Variants in CTNNA3 observed in about 807,000 individuals in gnomAD.
CTNNA3 encodes the protein catenin alpha 3.
In CTNNA3, 76 loss-of-function variants were observed where a neutral mutation model predicts 95.7. The observed-to-expected ratio is 0.79, with a 90% CI of 0.66 to 0.96. The LOEUF is 0.96. Among genes scored for constraint, CTNNA3 ranks in the 40% least tolerant of loss-of-function variants. The pLI is 0.00. For synonymous variants in CTNNA3, 431 were observed against 374.4 expected (o/e 1.15, Z -1.74); for missense variants, 1,191 against 1,089.8 (o/e 1.09, Z -1.31).
intron 15 of CTNNA3, among the ~76,000 whole-genome samples, chr10:66,032,983 T>G (rs1823249845): frequency 6.6e-6 from 1 of 152,134 alleles, no homozygotes; most frequent in African/African-American, 2.4e-5. Context: ...CATTGTACTT[T>G]CCACAACACT....
At chr10:66,062,115 TAATC>T (rs528643365) in intron 15 of CTNNA3, among the ~76,000 whole-genome samples, 10 of 152,158 alleles carry the variant, frequency 6.6e-5, no homozygotes, top group African/African-American at 1.2e-4. Flanking sequence ...GAGGGTATAA[TAATC>T]AATCAAACTG....
intron 7 of CTNNA3, among the ~76,000 whole-genome samples, chr10:66,998,157 C>T (rs759375398): frequency 2.9e-4 from 44 of 152,200 alleles, no homozygotes; most frequent in East Asian, 9.6e-4. Flanking sequence ...CCTAACACGG[C>T]ATTTTAGCAC....
chr10:66,313,947 T>A (rs906181545), intron 12 of CTNNA3, among the ~76,000 whole-genome samples: 1 of 152,210 alleles, frequency 6.6e-6, no homozygotes, highest in African/African-American at 2.4e-5. Flanking sequence ...CTCAGATTTC[T>A]TTGCTCTATT....
intron 9 of CTNNA3, among the ~76,000 whole-genome samples, chr10:66,641,554 T>G (rs1425558505): frequency 6.6e-6 from 1 of 152,200 alleles, no homozygotes; most frequent in African/African-American, 2.4e-5. Flanking sequence ...TGTGTTATCT[T>G]TGTTATTTGA....
chr10:67,327,207 T>A (rs1210558763), intron 5 of CTNNA3, among the ~76,000 whole-genome samples: 1 of 152,214 alleles, frequency 6.6e-6, no homozygotes, highest in African/African-American at 2.4e-5. Context: ...CTATCCATAT[T>A]CTGAATTCTA....
At chr10:66,935,682 G>C (rs1847656485) in intron 7 of CTNNA3, among the ~76,000 whole-genome samples, 1 of 151,856 alleles carries the variant, frequency 6.6e-6, no homozygotes, top group African/African-American at 2.4e-5. Context: ...ATAATGTGAA[G>C]ATATTTTGGT....
intron 12 of CTNNA3, among the ~76,000 whole-genome samples, chr10:66,334,470 T>C (rs1224314607): frequency 1.3e-5 from 2 of 151,848 alleles, no homozygotes; most frequent in Non-Finnish European, 2.9e-5. Context: ...TGTAAAGTAT[T>C]TTATTTCTCC....
At chr10:66,257,844 T>C (rs575655900) in intron 13 of CTNNA3, among the ~76,000 whole-genome samples, 2 of 152,230 alleles carry the variant, frequency 1.3e-5, no homozygotes, top group Non-Finnish European at 2.9e-5. Flanking sequence ...GCTGTTATTC[T>C]GATTCATCCT....
chr10:67,027,809 G>C (rs1853485064), intron 7 of CTNNA3, among the ~76,000 whole-genome samples: 1 of 152,046 alleles, frequency 6.6e-6, no homozygotes, highest in South Asian at 2.1e-4. Context: ...CCTACAAAGA[G>C]TATATTCGTT....
In CTNNA3 at chr10:67,713,465, C is replaced by T. The variant is rs1273410160; in HGVS notation, c.-2+49969G>A. Among the ~76,000 whole-genome samples the T allele has an allele frequency of 5.3e-5, 8 of 152,318 alleles. No individual in the cohort carries two copies. In the East Asian group the frequency reaches 1.2e-3, roughly 22 times the overall value. On this transcript the variant is annotated intron_variant, in intron 1 of 17. Transcript: ENST00000684154. ...ACCCAAAGGATTATAAGTCACTCTA[C>T]TATAAAGACACATGCACACATATGT...
intron 3 of CTNNA3, among the ~76,000 whole-genome samples, chr10:67,579,145 C>T (rs1252154412): frequency 6.8e-6 from 1 of 148,118 alleles, no homozygotes; most frequent in Non-Finnish European, 1.5e-5. Flanking sequence ...TGTTGGTGTG[C>T]TGCACCGATT....
At chr10:67,656,648 T>C (rs1007978660) in intron 1 of CTNNA3, among the ~76,000 whole-genome samples, 4 of 151,798 alleles carry the variant, frequency 2.6e-5, no homozygotes, top group Non-Finnish European at 5.9e-5. Context: ...TTAAATAAGG[T>C]CAAGACTAGC....
intron 11 of CTNNA3, among the ~76,000 whole-genome samples, chr10:66,508,788 G>A (rs1167817871): frequency 6.6e-6 from 1 of 152,018 alleles, no homozygotes; most frequent in Non-Finnish European, 1.5e-5. Flanking sequence ...TCAACCTGTT[G>A]TTGAACACGT....
At chr10:65,936,904 C>T (rs1364570125) in intron 17 of CTNNA3, among the ~76,000 whole-genome samples, 1 of 151,828 alleles carries the variant, frequency 6.6e-6, no homozygotes, top group Non-Finnish European at 1.5e-5. Context: ...CTGGCACATA[C>T]ATATATTAAA....
intron 5 of CTNNA3, among the ~76,000 whole-genome samples, chr10:67,413,359 A>G (rs1237548538): frequency 2.0e-5 from 3 of 152,180 alleles, no homozygotes; most frequent in African/African-American, 7.2e-5. Flanking sequence ...AGGGCACTGC[A>G]TAACAATAAA....
At chr10:66,987,140 G>A (rs752397006) in intron 7 of CTNNA3, among the ~76,000 whole-genome samples, 10 of 152,266 alleles carry the variant, frequency 6.6e-5, no homozygotes, top group East Asian at 1.9e-4. Context: ...CTAGAGCCAC[G>A]TGCGTAGGTT....
intron 1 of CTNNA3, among the ~76,000 whole-genome samples, chr10:67,670,370 A>T (rs1485315516): frequency 2.0e-5 from 3 of 152,260 alleles, no homozygotes. Flanking sequence ...CAAAAGAAAT[A>T]TATGTACAAA....
chr10:66,485,949 A>G (rs781216174), intron 11 of CTNNA3, among the ~76,000 whole-genome samples: 29 of 152,210 alleles, frequency 1.9e-4, no homozygotes, highest in Non-Finnish European at 4.4e-5. Flanking sequence ...TTGACTTTCA[A>G]CAAAGGTGTC....
At chr10:67,511,903 T>C (rs1482197013) in intron 5 of CTNNA3, among the ~76,000 whole-genome samples, 1 of 152,190 alleles carries the variant, frequency 6.6e-6, no homozygotes, top group African/African-American at 2.4e-5. Context: ...GAGATTCAAC[T>C]TCTTCCTGGT....
Sources: allele counts gnomAD v4.1 joint callset (sites outside exome capture counted in the v4.1 genomes callset), GRCh38; gene constraint gnomAD v4.1.1; transcripts MANE v1.5; gene names NCBI Gene and HGNC (gene_info 2026-07-23, HGNC 2026-07-21).